Variants in IMMP2L observed in about 807,000 individuals in gnomAD.
IMMP2L encodes mitochondrial inner membrane protease subunit 2.
IMMP2L carries 18 observed loss-of-function variants against 19.3 expected under a neutral mutation model. That is an observed-to-expected ratio of 0.93 (90% CI 0.64 to 1.38). The LOEUF (loss-of-function observed/expected upper bound fraction) is 1.38, where lower values mean the gene tolerates loss of function less well. IMMP2L is among the 40% of genes most tolerant of loss of function. The probability of loss-of-function intolerance (pLI) is 0.00; values close to 1 mark genes in which losing one functional copy is unlikely to be tolerated. For missense variants in IMMP2L, 233 were observed against 218.2 expected, an observed-to-expected ratio of 1.07 and a Z score of -0.43; for synonymous variants, 76 against 73.0, an observed-to-expected ratio of 1.04 and a Z score of -0.21.
At chr7:111,280,951 T>C (rs1819629910) in intron 3 of IMMP2L, among the ~76,000 whole-genome samples, 1 of 151,690 alleles carries the variant, frequency 6.6e-6, no homozygotes, top group East Asian at 1.9e-4. Context: ...GCGCCTGTAG[T>C]CCCAGCTACT....
intron 3 of IMMP2L, among the ~76,000 whole-genome samples, chr7:111,485,547 G>A (rs1336131471): frequency 1.6e-5 from 2 of 121,230 alleles, no homozygotes; most frequent in Non-Finnish European, 1.6e-5. Context: ...GCAGTGAGCC[G>A]AGATCCCGCC....
intron 3 of IMMP2L, among the ~76,000 whole-genome samples, chr7:111,301,923 A>T (rs1414400034): frequency 3.0e-5 from 1 of 33,126 alleles, no homozygotes; most frequent in African/African-American, 1.1e-4. Flanking sequence ...TCATGCTTTA[A>T]AAAAAAAAAA....
chr7:111,532,092 C>T (rs1847446915), intron 1 of IMMP2L, among the ~76,000 whole-genome samples: 3 of 151,918 alleles, frequency 2.0e-5, no homozygotes, highest in Non-Finnish European at 4.4e-5. Context: ...GGTAGTAACA[C>T]TCAGAACCTA....
At chr7:110,998,336 C>G (rs1585664144) in intron 3 of IMMP2L, among the ~76,000 whole-genome samples, 2 of 152,234 alleles carry the variant, frequency 1.3e-5, no homozygotes, top group East Asian at 3.9e-4. Context: ...AGTCATTATA[C>G]CCTACAATAT....
At chr7:111,218,020 T>C (rs1033100258) in intron 3 of IMMP2L, among the ~76,000 whole-genome samples, 2 of 152,080 alleles carry the variant, frequency 1.3e-5, no homozygotes, top group Non-Finnish European at 2.9e-5. Context: ...CTATTGCCTT[T>C]TTGTGCTTTC....
intron 3 of IMMP2L, among the ~76,000 whole-genome samples, chr7:111,044,755 C>T (rs1278358348): frequency 6.6e-6 from 1 of 152,032 alleles, no homozygotes; most frequent in Admixed American, 6.6e-5. Flanking sequence ...CAATTTGATA[C>T]TTTTTTTATC....
At chr7:111,283,888 G>A (rs548689350) in intron 3 of IMMP2L, among the ~76,000 whole-genome samples, 3 of 146,840 alleles carry the variant, frequency 2.0e-5, no homozygotes, top group Admixed American at 6.8e-5. Flanking sequence ...GGAGAATGGC[G>A]TGAACCCGGG....
chr7:111,135,535 A>G (rs1437300590), intron 3 of IMMP2L, among the ~76,000 whole-genome samples: 1 of 152,170 alleles, frequency 6.6e-6, no homozygotes, highest in African/African-American at 2.4e-5. Flanking sequence ...ATCTTTAAAT[A>G]CTCTGGCTTC....
intron 3 of IMMP2L, among the ~76,000 whole-genome samples, chr7:111,089,617 CATG>C (rs1796644323): frequency 6.6e-6 from 1 of 151,960 alleles, no homozygotes; most frequent in Admixed American, 6.6e-5. Context: ...AACACTCAAC[CATG>C]ATCCCTAACA....
At chr7:111,499,278 G>A (rs147214270) in intron 2 of IMMP2L, among the ~76,000 whole-genome samples, 102 of 152,222 alleles carry the variant, frequency 6.7e-4, no homozygotes, top group Middle Eastern at 3.4e-3. Context: ...GCTCAGTACC[G>A]AGGAGCATGA....
intron 3 of IMMP2L, among the ~76,000 whole-genome samples, chr7:111,194,089 A>T (rs1476919715): frequency 9.9e-5 from 15 of 152,150 alleles, no homozygotes; most frequent in Non-Finnish European, 2.2e-4. Flanking sequence ...TATGGCACAA[A>T]GTTTCTACAG....
At chr7:110,839,625 C>T (rs1248769597) in intron 5 of IMMP2L, among the ~76,000 whole-genome samples, 4 of 151,878 alleles carry the variant, frequency 2.6e-5, no homozygotes, top group African/African-American at 7.3e-5. Context: ...TAAACGTGTG[C>T]ACATATATTT....
At chr7:111,201,987 G>T (rs1810190013) in intron 3 of IMMP2L, among the ~76,000 whole-genome samples, 1 of 152,148 alleles carries the variant, frequency 6.6e-6, no homozygotes, top group Admixed American at 6.5e-5. Flanking sequence ...GCTACCCAGT[G>T]CTTGTTAAAG....
chr7:110,844,471 C>T (rs1368489956), intron 5 of IMMP2L, among the ~76,000 whole-genome samples: 1 of 151,832 alleles, frequency 6.6e-6, no homozygotes, highest in Non-Finnish European at 1.5e-5. Flanking sequence ...AAAAGTTTAG[C>T]AGTTTTGCAC....
At chr7:111,550,322 C>T (rs1585649503) in intron 1 of IMMP2L, among the ~76,000 whole-genome samples, 1 of 152,034 alleles carries the variant, frequency 6.6e-6, no homozygotes, top group Admixed American at 6.6e-5. Flanking sequence ...TGAATAAGCA[C>T]AACCCAAGAT....
At chr7:111,542,106 A>G (rs1323242724) in intron 1 of IMMP2L, among the ~76,000 whole-genome samples, 1 of 152,120 alleles carries the variant, frequency 6.6e-6, no homozygotes, top group Non-Finnish European at 1.5e-5. Flanking sequence ...TCAAACATAA[A>G]ATATAAAAAT....
At chr7:111,365,317 T>C (rs1258322030) in intron 3 of IMMP2L, among the ~76,000 whole-genome samples, 1 of 152,112 alleles carries the variant, frequency 6.6e-6, no homozygotes, top group Admixed American at 6.6e-5. Flanking sequence ...TTGAAAATAT[T>C]TTCATGCTTA....
Position 110,760,420 on chromosome 7 carries a change from C to T in IMMP2L, c.409-96699G>A, listed in dbSNP as rs1402775452. ...GAAGGGCTCTGAAGCTGATGTTTTC[C>T]ATTATCAGTTGTTTGTTTAGGTAAA... On this transcript the variant is annotated intron_variant, in intron 5 of 5. Transcript: ENST00000405709. This position sits in a 1 kb window ranked among gnomAD's most constrained non-coding sequence, Gnocchi z 4.2. Among the ~76,000 whole-genome samples, 1 of 152,042 alleles carries T rather than the reference C, an allele frequency of 6.6e-6. No homozygotes were observed. Among genetic ancestry groups the T allele is most frequent in the Non-Finnish European group, 1.5e-5 (1 of 67,998 alleles).
intron 3 of IMMP2L, among the ~76,000 whole-genome samples, chr7:111,305,196 G>C (rs1389370879): frequency 1.3e-5 from 2 of 152,000 alleles, no homozygotes; most frequent in Admixed American, 6.6e-5. Flanking sequence ...AGAAGAGTAC[G>C]AGCAGAGTTG....
Sources: gnomAD v4.1 joint callset for allele counts (sites outside exome capture counted in the v4.1 genomes callset) on GRCh38, gnomAD v4.1.1 for gene constraint, Gnocchi (gnomAD v3.1) non-coding constraint, MANE v1.5 for transcripts, NCBI Gene and HGNC (gene_info 2026-07-23, HGNC 2026-07-21) for gene names.